The following NVL variants were observed in gnomAD, a reference collection of about 807,000 sequenced individuals.
NVL encodes nuclear VCP like.
Under a neutral mutation model 110.2 loss-of-function variants are expected in NVL, and 84 were observed. That is an observed-to-expected ratio of 0.76 (90% CI 0.64 to 0.91). The LOEUF is 0.91. NVL is among the 40% of genes least tolerant of loss of function. The probability of loss-of-function intolerance (pLI) is 0.00; values close to 1 mark genes in which losing one functional copy is unlikely to be tolerated. For missense variants in NVL, 882 were observed against 1,035.9 expected, an observed-to-expected ratio of 0.85 and a Z score of 2.04; for synonymous variants, 354 against 361.1, an observed-to-expected ratio of 0.98 and a Z score of 0.22.
Position 224,231,688 on chromosome 1 carries a change from T to A in NVL, c.2456-392A>T, listed in dbSNP as rs371294295. On this transcript the variant is annotated intron_variant, in intron 21 of 22. Transcript: ENST00000281701. Reference sequence around the variant, plus strand: ...ACAATGAGATCTTATGGAGCCATAATATCATAGAATATTTTATATATAATA... The same window carrying A: ...ACAATGAGATCTTATGGAGCCATAAAATCATAGAATATTTTATATATAATA... Among the ~76,000 whole-genome samples, 24 of 152,264 alleles carry A rather than the reference T, an allele frequency of 1.6e-4. No individual in the cohort carries two copies. The East Asian group carries it at 4.4e-3, about 28-fold the overall frequency.
intron 19 of NVL, among the ~76,000 whole-genome samples, chr1:224,236,932 C>T (rs1226405906): frequency 6.6e-6 from 1 of 152,046 alleles, no homozygotes; most frequent in Non-Finnish European, 1.5e-5. Flanking sequence ...CCATATTCAT[C>T]TACATAATAG....
At chr1:224,243,619 T>G (rs1366825212) in intron 19 of NVL, among the ~76,000 whole-genome samples, 1 of 151,758 alleles carries the variant, frequency 6.6e-6, no homozygotes, top group Non-Finnish European at 1.5e-5. Context: ...AGTAAGGGCT[T>G]AATAAATGTT....
At chr1:224,313,061 C>A (rs563909932) in intron 4 of NVL, 7 of 384,274 alleles carry the variant, frequency 1.8e-5, no homozygotes, top group Admixed American at 1.3e-4. Flanking sequence ...TGTGAGGCTG[C>A]GGTGGGAGGA....
Position 224,317,827 on chromosome 1 carries a change from C to T in NVL, c.185-34G>A, listed in dbSNP as rs200036453. 304 of 1,558,602 alleles carry T rather than the reference C, an allele frequency of 2.0e-4. 3 individuals carry two copies. In the South Asian group the frequency reaches 3.3e-3, roughly 17 times the overall value. ...AAAAGAAAAACGCTATGAGCTAAAA[C>T]AATCGTTTGTATAACTTTATTGATA... On this transcript the variant is annotated intron_variant, in intron 3 of 22. Transcript: ENST00000281701.
chr1:224,281,770 T>C (rs1666359515), intron 15 of NVL, among the ~76,000 whole-genome samples: 1 of 151,102 alleles, frequency 6.6e-6, no homozygotes, highest in Non-Finnish European at 1.5e-5. Context: ...CTGACCAATA[T>C]GGTGAAACCC....
At chr1:224,290,659 G>C (rs892922696) in intron 12 of NVL, among the ~76,000 whole-genome samples, 5 of 152,016 alleles carry the variant, frequency 3.3e-5, no homozygotes. Flanking sequence ...AAAATTAGCT[G>C]GGCGTGGTGG....
intron 20 of NVL, among the ~76,000 whole-genome samples, chr1:224,234,240 A>AGAC (rs1660216818): frequency 6.6e-6 from 1 of 152,214 alleles, no homozygotes; most frequent in Non-Finnish European, 1.5e-5. Context: ...GTTCAATGAA[A>AGAC]GACACTCATG....
intron 4 of NVL, among the ~76,000 whole-genome samples, chr1:224,313,864 G>C (rs1669795999): frequency 6.6e-6 from 1 of 152,072 alleles, no homozygotes; most frequent in Admixed American, 6.6e-5. Context: ...TTGGCCAGCA[G>C]TGGTGGTGGG....
intron 13 of NVL, 127 bp from the exon 14 acceptor site, chr1:224,288,120 T>A: frequency 1.5e-6 from 1 of 664,784 alleles, no homozygotes; most frequent in Non-Finnish European, 2.5e-6. Context: ...GTCTATGTAT[T>A]TTAATAATTT....
At chr1:224,320,667 GT>G (rs1334112475) in intron 2 of NVL, among the ~76,000 whole-genome samples, 1 of 151,566 alleles carries the variant, frequency 6.6e-6, no homozygotes, top group Non-Finnish European at 1.5e-5. Context: ...AAAACTTTAT[GT>G]TTTTGAGACA....
At chr1:224,255,932 T>C (rs1558263211) in intron 18 of NVL, among the ~76,000 whole-genome samples, 2 of 152,220 alleles carry the variant, frequency 1.3e-5, no homozygotes, top group African/African-American at 4.8e-5. Flanking sequence ...TTTTTCTTTT[T>C]GCATATGGAT....
At chr1:224,277,708 A>T (rs2102864671) in intron 16 of NVL, among the ~76,000 whole-genome samples, 1 of 152,326 alleles carries the variant, frequency 6.6e-6, no homozygotes, top group Admixed American at 6.5e-5. Context: ...ATTGGCCATC[A>T]AATTTTCAAC....
chr1:224,296,696 A>T (rs184938748), intron 10 of NVL, 78 bp from the exon 11 acceptor site: 283 of 863,242 alleles, frequency 3.3e-4, no homozygotes, highest in African/African-American at 1.9e-3. Context: ...TATACATTTT[A>T]AAAAAAATCT....
Position 224,310,344 on chromosome 1 carries a change from G to A in NVL, c.342+1456C>T, listed in dbSNP as rs186439570. On this transcript the variant is annotated intron_variant, in intron 5 of 22. Transcript: ENST00000281701. Reference sequence around the variant, plus strand: ...TTTTATGTAAGGGACTTGAGCATTTGCAGGTATTCATGTGGGGCTCTGGGG... The same window carrying A: ...TTTTATGTAAGGGACTTGAGCATTTACAGGTATTCATGTGGGGCTCTGGGG... Among the ~76,000 whole-genome samples, 462 of 152,206 alleles carry A rather than the reference G, an allele frequency of 3.0e-3. 1 individual carries two copies. Among genetic ancestry groups the A allele is most frequent in the Non-Finnish European group, 4.9e-3 (333 of 68,004 alleles).
chr1:224,262,531 A>G (rs890042586), intron 18 of NVL, among the ~76,000 whole-genome samples: 13 of 152,232 alleles, frequency 8.5e-5, no homozygotes, highest in African/African-American at 2.6e-4. Context: ...ATGAGATCAG[A>G]AAAAAAGGGC....
At chr1:224,310,341 T>G (rs1669390929) in intron 5 of NVL, among the ~76,000 whole-genome samples, 1 of 152,096 alleles carries the variant, frequency 6.6e-6, no homozygotes, top group Non-Finnish European at 1.5e-5. Flanking sequence ...GACTTGAGCA[T>G]TTGCAGGTAT....
At chr1:224,272,516 AAGACCAGCCTGGC>A (rs930044942) in intron 17 of NVL, among the ~76,000 whole-genome samples, 8 of 150,552 alleles carry the variant, frequency 5.3e-5, no homozygotes, top group African/African-American at 2.0e-4. Flanking sequence ...TCAGGAGTTC[AAGACCAGCCTGGC>A]CAAAGTGGTA....
At chr1:224,311,160 T>A (rs569800372) in intron 5 of NVL, among the ~76,000 whole-genome samples, 4 of 152,160 alleles carry the variant, frequency 2.6e-5, no homozygotes, top group African/African-American at 9.6e-5. Flanking sequence ...TGGGCTCAAG[T>A]GATCCTCCCA....
intron 18 of NVL, among the ~76,000 whole-genome samples, chr1:224,252,260 C>T (rs1662588548): frequency 6.6e-6 from 1 of 152,092 alleles, no homozygotes; most frequent in African/African-American, 2.4e-5. Flanking sequence ...CAGATAAACT[C>T]TCTCACCTTC....
Sources: gnomAD v4.1 joint callset for allele counts (sites outside exome capture counted in the v4.1 genomes callset) on GRCh38, gnomAD v4.1.1 for gene constraint, MANE v1.5 for transcripts, NCBI Gene and HGNC (gene_info 2026-07-23, HGNC 2026-07-21) for gene names.